IGF2R: variants seen among roughly 807,000 people sequenced by gnomAD.
IGF2R encodes the protein insulin like growth factor 2 receptor.
A neutral mutation model predicts 270.6 loss-of-function variants in IGF2R; 91 were observed. That is an observed-to-expected ratio of 0.34 (90% CI 0.28 to 0.40). The LOEUF (loss-of-function observed/expected upper bound fraction) is 0.40, where lower values mean the gene tolerates loss of function less well. Among genes scored for constraint, IGF2R ranks in the 10% least tolerant of loss-of-function variants. IGF2R has a pLI of 1.00. For missense variants in IGF2R, 2,805 were observed against 3,188.3 expected, an observed-to-expected ratio of 0.88 and a Z score of 2.90; for synonymous variants, 1,316 against 1,258.9, an observed-to-expected ratio of 1.05 and a Z score of -0.96.
intron 2 of IGF2R, among the ~76,000 whole-genome samples, chr6:160,008,196 T>C (rs918031079): frequency 2.6e-5 from 4 of 152,130 alleles, no homozygotes; most frequent in African/African-American, 9.7e-5. Flanking sequence ...GTGTTTAGAG[T>C]TGATTTTTGT....
In IGF2R at chr6:160,089,100, C is replaced by G. The variant is rs112149864; in HGVS notation, c.6321-7C>G. ...AGTGACTGTAGCCTGTGCTTCCCTC[C>G]TCCTAGGTTTGATATCGACAGCTGC... is the stretch of plus-strand genomic sequence containing the variant. On this transcript the variant is annotated splice_region_variant and splice_polypyrimidine_tract_variant and intron_variant, in intron 42 of 47. Coordinates refer to ENST00000356956, the MANE Select transcript of IGF2R (RefSeq NM_000876.4). 6.2e-7 allele frequency: 1 copy of G among 1,611,218 alleles called. No individual in the cohort carries two copies. The highest frequency in any genetic ancestry group is 1.1e-5 in the South Asian group (1 of 90,828).
intron 29 of IGF2R, among the ~76,000 whole-genome samples, chr6:160,066,618 T>C (rs1778591021): frequency 6.6e-6 from 1 of 152,058 alleles, no homozygotes; most frequent in Admixed American, 6.6e-5. Flanking sequence ...ACCCCTAGCT[T>C]CACTCCACTT....
Position 160,073,949 on chromosome 6 carries a change from A to C in IGF2R, c.5140A>C (p.Lys1714Gln), listed in dbSNP as rs1185511688. Residue 1714 changes from lysine (K) to glutamine (Q), a missense_variant, in exon 35 of 48, where the codon AAA becomes CAA. Lys to Gln is a moderately conservative substitution (Grantham distance 53, BLOSUM62 1). Transcript: ENST00000356956. ...CTGTCCTGCCGGAGCCGCTGTGTGC[A>C]AAGTTCCTATTGATGGTCCCCCCAT... ...VPCPAGAAVCKVPIDGPPIDI... is the reference protein window; with the variant it reads ...VPCPAGAAVCQVPIDGPPIDI... The C allele has an allele frequency of 6.2e-7, 1 of 1,613,338 alleles. No individual in the cohort carries two copies. Among genetic ancestry groups the C allele is most frequent in the Non-Finnish European group, 8.5e-7 (1 of 1,179,612 alleles).
In IGF2R at chr6:159,991,195, A is replaced by T; in HGVS notation, c.161A>T (p.Glu54Val). The T allele has an allele frequency of 1.2e-6, 2 of 1,610,762 alleles. No individual in the cohort carries two copies. Among genetic ancestry groups the T allele is most frequent in the South Asian group, 1.1e-5 (1 of 90,232 alleles). ...PFPELCSYTW[E>V]AVDTKNNVLY... ...TTCTTCCTTTCCAGTTATACATGGG[A>T]AGCTGTTGATACCAAAAATAATGTA... The change falls in exon 2 of 48, where the codon GAA (glutamate) becomes GTA (valine). Residue 54 changes from glutamate to valine, a missense_variant. Glu to Val is a moderately radical substitution (Grantham distance 121). Transcript: ENST00000356956.
In IGF2R at chr6:160,071,968, C is replaced by G. The variant is rs1178400877; in HGVS notation, c.4502C>G (p.Pro1501Arg). 2 of 1,614,080 alleles carry G rather than the reference C, an allele frequency of 1.2e-6. No individual in the cohort carries two copies. The highest frequency in any genetic ancestry group is 1.7e-6 in the Non-Finnish European group (2 of 1,179,982). ...VEDCEYTFAW[P>R]TATACPMKSN... ...GACTGTGAGTACACCTTTGCCTGGCCCACAGCCACAGCCTGTCCCATGAAG... is the reference window on the plus strand; with the variant it reads ...GACTGTGAGTACACCTTTGCCTGGCGCACAGCCACAGCCTGTCCCATGAAG... Residue 1501 changes from proline (P) to arginine (R), a missense_variant, in exon 32 of 48, where the codon CCC becomes CGC. This residue lies in a region of IGF2R where 1,851 missense variants were observed against 2,207.2 expected (regional missense o/e 0.84). Coordinates refer to ENST00000356956, the MANE Select transcript of IGF2R (RefSeq NM_000876.4).
In IGF2R at chr6:160,063,630, G is replaced by T; in HGVS notation, c.3886G>T (p.Gly1296Cys). ...REPQGFHKVA[G>C]LLTQKLTYEN... ...ACCGCAGGGATTTCACAAAGTGGCA[G>T]GTACCATTGTTTGTCGTTTTCCTTT... The change falls in exon 27 of 48, where the codon GGT becomes TGT. Residue 1296 changes from glycine (G) to cysteine (C), a missense_variant and splice_region_variant. Gly to Cys is a radical substitution (Grantham distance 159, BLOSUM62 -3). This residue lies in a region of IGF2R where 1,851 missense variants were observed against 2,207.2 expected (regional missense o/e 0.84). Coordinates refer to ENST00000356956, the MANE Select transcript of IGF2R (RefSeq NM_000876.4). 6.2e-7 allele frequency: 1 copy of T among 1,607,496 alleles called. No individual in the cohort carries two copies. The highest frequency in any genetic ancestry group is 8.5e-7 in the Non-Finnish European group (1 of 1,175,622).
chr6:159,991,120 C>A (rs557467722), intron 1 of IGF2R, 64 bp from the exon 2 acceptor site: 9 of 1,479,344 alleles, frequency 6.1e-6, no homozygotes, highest in East Asian at 4.6e-5. Flanking sequence ...TTGAATAAAA[C>A]TAGAGAGAAG....
At chr6:160,043,922 G>C (rs1253694123) in intron 12 of IGF2R, among the ~76,000 whole-genome samples, 1 of 152,212 alleles carries the variant, frequency 6.6e-6, no homozygotes, top group Non-Finnish European at 1.5e-5. Context: ...ATTCAGAATT[G>C]CTGGTGTGTC....
intron 10 of IGF2R, among the ~76,000 whole-genome samples, chr6:160,035,773 A>G (rs1755286934): frequency 6.6e-6 from 1 of 152,204 alleles, no homozygotes. Flanking sequence ...GAGCATGATG[A>G]TGGAGGTTCA....
chr6:160,027,293 T>A lies in IGF2R; in HGVS notation c.755T>A (p.Leu252Gln). 1 of 1,613,590 alleles carries A rather than the reference T, an allele frequency of 6.2e-7. No homozygotes were observed. The highest frequency in any genetic ancestry group is 8.5e-7 in the Non-Finnish European group (1 of 1,179,816). Residue 252 changes from leucine (L) to glutamine (Q), a missense_variant, in exon 6 of 48, where the codon CTG (leucine) becomes CAG (glutamine). By Grantham distance (113) the Leu-to-Gln change is moderately radical. Coordinates refer to ENST00000356956, the MANE Select transcript of IGF2R (RefSeq NM_000876.4). ...GATGTTGGCCAGCCCCGGGACGGAC[T>A]GAAGCTGGTGCGCAAGGACAGGTCA... ...AFDVGQPRDG[L>Q]KLVRKDRLVL...
At position 160,060,678 on chromosome 6, in the gene IGF2R, T is replaced by C. The variant is rs372477883; in HGVS notation, c.3223T>C (p.Leu1075=). Residue 1075 remains leucine (L), a synonymous_variant, in exon 23 of 48, where the codon TTG becomes CTG. Transcript: ENST00000356956. ...CACTTACTTTGAGTTTGAAACCGCG[T>C]TGGCCTGTGTTCCTTCTCCAGTGGA... ...RNTYFEFETA[L]ACVPSPVDCQ... 1.5e-5 allele frequency: 24 copies of C among 1,614,248 alleles called. No individual in the cohort carries two copies. Among genetic ancestry groups the C allele is most frequent in the Non-Finnish European group, 1.9e-5 (22 of 1,180,038 alleles).
In IGF2R at chr6:160,084,155, G is replaced by T; in HGVS notation, c.6039G>T (p.Gly2013=). ...YDLRLLSSLT[G]SWSLVHNGVS... The stretch of plus-strand genomic sequence containing the variant: ...TGCGGCTGCTCTCCTCTCTCACCGG[G>T]TCCTGGTCCCTCGTCCACAACGGAG... Residue 2013 remains glycine (G), a synonymous_variant, in exon 40 of 48, where the codon GGG becomes GGT. Transcript: ENST00000356956. The surrounding 1 kb of genome is among the most constrained non-coding windows in gnomAD (Gnocchi z 4.6). 6.2e-7 allele frequency: 1 copy of T among 1,613,858 alleles called. No individual in the cohort carries two copies. Among genetic ancestry groups the T allele is most frequent in the Non-Finnish European group, 8.5e-7 (1 of 1,179,788 alleles).
At position 160,073,585 on chromosome 6, in the gene IGF2R, A is replaced by G. The variant is rs992212728; in HGVS notation, c.4947+116A>G. 4.8e-6 allele frequency: 6 copies of G among 1,254,028 alleles called. No homozygotes were observed. The Admixed American group carries it at 1.3e-4, about 28-fold the overall frequency. The allele number at this position is 1,254,028 out of a possible 1,614,324, so 77.7% of individuals were successfully genotyped here. On this transcript the variant is annotated intron_variant, in intron 34 of 47. Transcript: ENST00000356956. ...TGCCCAGCTGAACTGTCCACTCCTGATCACCCCAATAATAAAGTTGACTGG... is the reference window on the plus strand; with the variant it reads ...TGCCCAGCTGAACTGTCCACTCCTGGTCACCCCAATAATAAAGTTGACTGG...
intron 4 of IGF2R, among the ~76,000 whole-genome samples, chr6:160,012,065 C>T (rs1056822823): frequency 4.0e-5 from 6 of 151,520 alleles, no homozygotes; most frequent in Non-Finnish European, 5.9e-5. Context: ...ATATGGTCAT[C>T]TATGAAGGGA....
At chr6:160,068,065 G>GTGTGTGTGTGTGT (rs973206316) in intron 29 of IGF2R, among the ~76,000 whole-genome samples, 184 bp from the exon 30 acceptor site, 4 of 77,402 alleles carry the variant, frequency 5.2e-5, no homozygotes, top group African/African-American at 2.0e-4. Context: ...TCTGATGGGG[G>GTGTGTGTGTGTGT]GTGTGTGTGT....
At chr6:160,034,634 C>A in intron 10 of IGF2R, 112 bp downstream of exon 10, 1 of 682,940 alleles carries the variant, frequency 1.5e-6, no homozygotes. Flanking sequence ...GTCAGATGCC[C>A]TCCTTTGGAC....
chr6:160,084,018 G>A lies in IGF2R; in HGVS notation c.5902G>A (p.Val1968Ile), dbSNP rs538340074. 149 of 1,614,202 alleles carry A rather than the reference G, an allele frequency of 9.2e-5. 1 individual carries two copies. Among genetic ancestry groups the A allele is most frequent in the Middle Eastern group, 6.6e-4 (4 of 6,062 alleles). The change falls in exon 40 of 48, where the codon GTC becomes ATC. Residue 1968 changes from valine (V) to isoleucine (I), a missense_variant. Val to Ile is a conservative substitution (Grantham distance 29, BLOSUM62 3). Around this residue, in one of 2 missense-constraint regions of IGF2R, gnomAD observed 1,851 missense variants for 2,207.2 expected, o/e 0.84. Coordinates refer to ENST00000356956, the MANE Select transcript of IGF2R (RefSeq NM_000876.4). The surrounding 1 kb of genome is among the most constrained non-coding windows in gnomAD (Gnocchi z 4.6). ...DEDEDIGRPQVFSEVRGCDVT... is the reference protein window; with the variant it reads ...DEDEDIGRPQIFSEVRGCDVT... The stretch of plus-strand genomic sequence containing the variant: ...AGATGAGGACATTGGGAGGCCACAA[G>A]TCTTCAGTGAAGTGCGTGGGTGTGA...
chr6:160,085,727 G>A lies in IGF2R; in HGVS notation c.6205+596G>A, dbSNP rs181070052. Among the ~76,000 whole-genome samples, 488 of 152,336 alleles carry A rather than the reference G, an allele frequency of 3.2e-3. 1 individual carries two copies. The highest frequency in any genetic ancestry group is 5.2e-3 in the Non-Finnish European group (357 of 68,030). The stretch of plus-strand genomic sequence containing the variant: ...CTTAGGCTGGAGTGGGGTTTCCCGA[G>A]TTGTCCTGATTCAGCCACAGGGCTA... On this transcript the variant is annotated intron_variant, in intron 41 of 47. Transcript: ENST00000356956.
rs1779609599 is a variant in IGF2R, at chr6:160,105,968, A to AT, written c.*890dup. On this transcript the variant is annotated 3_prime_UTR_variant, in exon 48 of 48. Transcript: ENST00000356956. The stretch of plus-strand genomic sequence containing the variant: ...GGAGTTGAGGTGTCAGAGAAAATGA[A>AT]TTTTTTCCAGATTTGGGGTATAGGT... 2.7e-5 allele frequency: 4 copies of AT among 150,260 alleles called. No homozygotes were observed. Among genetic ancestry groups the AT allele is most frequent in the Non-Finnish European group, 5.9e-5 (4 of 67,676 alleles). The allele number at this position is 150,260 out of a possible 1,614,324, so 9.3% of individuals were successfully genotyped here.
Sources: allele counts gnomAD v4.1 joint callset (sites outside exome capture counted in the v4.1 genomes callset), GRCh38; gene constraint gnomAD v4.1.1; regional missense constraint gnomAD v4.1.1; non-coding constraint Gnocchi (gnomAD v3.1); transcripts MANE v1.5; gene names NCBI Gene and HGNC (gene_info 2026-07-23, HGNC 2026-07-21).